Variants in ZSWIM6 observed in about 807,000 individuals in gnomAD.
ZSWIM6 encodes the protein zinc finger SWIM-type containing 6.
In ZSWIM6, 9 loss-of-function variants were observed where a neutral mutation model predicts 113.2. The ratio of observed to expected loss-of-function variants is 0.08; its 90% confidence interval spans 0.05 to 0.14. The LOEUF is 0.14. Among genes scored for constraint, ZSWIM6 ranks in the 10% least tolerant of loss-of-function variants. The pLI is 1.00. For synonymous variants in ZSWIM6, 611 were observed against 606.5 expected (o/e 1.01, Z -0.11); for missense variants, 1,162 against 1,552.2 (o/e 0.75, Z 4.22).
At chr5:61,407,916 A>G (rs1414213958) in intron 1 of ZSWIM6, among the ~76,000 whole-genome samples, 1 of 152,236 alleles carries the variant, frequency 6.6e-6, no homozygotes, top group South Asian at 2.1e-4. Context: ...GGGTAAAGGT[A>G]CAGTCTCAGT....
rs1180698490 is a variant in ZSWIM6, at chr5:61,455,850, G to T, written c.677-16831G>T. 2.8e-5 allele frequency among the ~76,000 whole-genome samples: 3 copies of T among 107,542 alleles called. No homozygotes were observed. In the East Asian group the frequency reaches 9.4e-4, roughly 34 times the overall value. 70.6% of individuals were successfully genotyped at this position (107,542 alleles called of 152,430 possible). A position where few individuals can be genotyped will look rare whatever the true frequency, so the allele number is the denominator to read the frequency against. On this transcript the variant is annotated intron_variant, in intron 1 of 13. Coordinates refer to ENST00000252744, the MANE Select transcript of ZSWIM6 (RefSeq NM_020928.2). ...CGCCCCCGCCCCCACTGTTAACACTGTTAAGGAAGCTAGGGAAGTGTTGAT... is the reference window on the plus strand; with the variant it reads ...CGCCCCCGCCCCCACTGTTAACACTTTTAAGGAAGCTAGGGAAGTGTTGAT...
chr5:61,366,859 G>A (rs1391688471), intron 1 of ZSWIM6, among the ~76,000 whole-genome samples: 1 of 151,134 alleles, frequency 6.6e-6, no homozygotes, highest in East Asian at 1.9e-4. Flanking sequence ...AACCCAGGAG[G>A]TCGAGGCTGC....
chr5:61,356,655 T>C (rs1744912869), intron 1 of ZSWIM6, among the ~76,000 whole-genome samples: 1 of 143,992 alleles, frequency 6.9e-6, no homozygotes, highest in African/African-American at 2.5e-5. Flanking sequence ...CTTACAGGTT[T>C]GATATATATA....
chr5:61,467,262 A>C (rs2112176482), intron 1 of ZSWIM6, among the ~76,000 whole-genome samples: 1 of 152,330 alleles, frequency 6.6e-6, no homozygotes, highest in East Asian at 1.9e-4. Context: ...AACAGTAATA[A>C]ACTCACAACA....
At chr5:61,524,566 C>A (rs1749228579) in intron 5 of ZSWIM6, among the ~76,000 whole-genome samples, 1 of 152,186 alleles carries the variant, frequency 6.6e-6, no homozygotes, top group Non-Finnish European at 1.5e-5. Flanking sequence ...CTTGGCAAGT[C>A]ACTTTACTTC....
chr5:61,407,152 A>C (rs550251344), intron 1 of ZSWIM6, among the ~76,000 whole-genome samples: 1 of 152,214 alleles, frequency 6.6e-6, no homozygotes, highest in Non-Finnish European at 1.5e-5. Flanking sequence ...TAAAATTAAC[A>C]CTGGTGTAAG....
At chr5:61,509,476 C>A (rs926205761) in intron 4 of ZSWIM6, among the ~76,000 whole-genome samples, 17 of 152,082 alleles carry the variant, frequency 1.1e-4, no homozygotes, top group African/African-American at 4.1e-4. Flanking sequence ...TTCAGTAACC[C>A]TGTTGGGTTG....
intron 1 of ZSWIM6, among the ~76,000 whole-genome samples, chr5:61,431,724 G>A (rs1435889216): frequency 2.6e-5 from 4 of 151,036 alleles, no homozygotes; most frequent in African/African-American, 9.7e-5. Context: ...CAGCCTGGGC[G>A]ACAGAGTGAG....
At chr5:61,522,108 T>C (rs372952338) in intron 5 of ZSWIM6, among the ~76,000 whole-genome samples, 1 of 151,732 alleles carries the variant, frequency 6.6e-6, no homozygotes, top group African/African-American at 2.4e-5. Context: ...TTTTTGTTTT[T>C]TGTTTTTTTT....
At chr5:61,519,625 G>A (rs1749058587) in intron 4 of ZSWIM6, among the ~76,000 whole-genome samples, 1 of 152,114 alleles carries the variant, frequency 6.6e-6, no homozygotes, top group African/African-American at 2.4e-5. Flanking sequence ...TAGCCATGTT[G>A]TGTTTTTAAT....
intron 4 of ZSWIM6, among the ~76,000 whole-genome samples, chr5:61,507,709 T>C (rs1353351840): frequency 1.3e-5 from 2 of 152,162 alleles, no homozygotes; most frequent in Non-Finnish European, 2.9e-5. Flanking sequence ...TATGCTTTCA[T>C]ATATATGGGA....
intron 2 of ZSWIM6, among the ~76,000 whole-genome samples, chr5:61,488,825 G>A (rs1458929691): frequency 1.3e-5 from 2 of 150,660 alleles, no homozygotes; most frequent in Non-Finnish European, 3.0e-5. Context: ...TCTTTCCATT[G>A]TAATGCATGG....
rs769463628 is a variant in ZSWIM6, at chr5:61,544,128, G to T, written c.3459G>T (p.Thr1153=). 3 of 1,551,638 alleles carry T rather than the reference G, an allele frequency of 1.9e-6. No individual in the cohort carries two copies. The highest frequency in any genetic ancestry group is 2.0e-5 in the Admixed American group (1 of 50,966). Reference sequence around the variant, plus strand: ...CGATCGGGGCCTACATCAACACAACGCACTCACGGCTCACACACATCAGTC... The same window carrying T: ...CGATCGGGGCCTACATCAACACAACTCACTCACGGCTCACACACATCAGTC... ...DATIGAYINT[T]HSRLTHISPR... Residue 1153 remains threonine (T), a synonymous_variant, in exon 14 of 14, where the codon ACG becomes ACT. Coordinates refer to ENST00000252744, the MANE Select transcript of ZSWIM6 (RefSeq NM_020928.2).
intron 1 of ZSWIM6, among the ~76,000 whole-genome samples, chr5:61,361,452 A>G (rs1277871610): frequency 6.6e-6 from 1 of 152,206 alleles, no homozygotes; most frequent in Non-Finnish European, 1.5e-5. Flanking sequence ...CTGATTCTGT[A>G]ACATACTAAT....
In ZSWIM6 at chr5:61,544,136, G is replaced by A; in HGVS notation, c.3467G>A (p.Arg1156Gln). ...GCCTACATCAACACAACGCACTCACGGCTCACACACATCAGTCCTCGGCAC... is the reference window on the plus strand; with the variant it reads ...GCCTACATCAACACAACGCACTCACAGCTCACACACATCAGTCCTCGGCAC... The part of the protein sequence containing the change: ...IGAYINTTHS[R>Q]LTHISPRHYS... Residue 1156 changes from arginine to glutamine, a missense_variant, in exon 14 of 14, where the codon CGG (arginine) becomes CAG (glutamine). Arg to Gln is a conservative substitution (Grantham distance 43). This residue lies in a region of ZSWIM6 where 113 missense variants were observed against 213.8 expected (regional missense o/e 0.53). Coordinates refer to ENST00000252744, the MANE Select transcript of ZSWIM6 (RefSeq NM_020928.2). 7.7e-6 allele frequency: 12 copies of A among 1,551,718 alleles called. No homozygotes were observed. The highest frequency in any genetic ancestry group is 1.0e-5 in the Non-Finnish European group (12 of 1,146,990).
At chr5:61,394,248 A>C (rs1167026348) in intron 1 of ZSWIM6, among the ~76,000 whole-genome samples, 1 of 151,822 alleles carries the variant, frequency 6.6e-6, no homozygotes, top group Non-Finnish European at 1.5e-5. Flanking sequence ...CTGCCTCCTC[A>C]CTCCTTCCTT....
chr5:61,392,226 G>A (rs1745732644), intron 1 of ZSWIM6, among the ~76,000 whole-genome samples: 1 of 152,170 alleles, frequency 6.6e-6, no homozygotes, highest in South Asian at 2.1e-4. Context: ...TTCTCTAGTA[G>A]TATTGGAGAA....
intron 5 of ZSWIM6, among the ~76,000 whole-genome samples, chr5:61,521,703 A>G (rs939077138): frequency 1.3e-5 from 2 of 152,190 alleles, no homozygotes; most frequent in Non-Finnish European, 2.9e-5. Context: ...ATGTGTTAAA[A>G]TGGCCTATTA....
intron 5 of ZSWIM6, among the ~76,000 whole-genome samples, chr5:61,523,781 A>T (rs1749202139): frequency 6.6e-6 from 1 of 152,156 alleles, no homozygotes; most frequent in Non-Finnish European, 1.5e-5. Context: ...TTGTCATTTA[A>T]ATTTCATTTC....
Sources: gnomAD v4.1 joint callset for allele counts (sites outside exome capture counted in the v4.1 genomes callset) on GRCh38, gnomAD v4.1.1 for gene constraint, gnomAD v4.1.1 regional missense constraint, MANE v1.5 for transcripts, NCBI Gene and HGNC (gene_info 2026-07-23, HGNC 2026-07-21) for gene names.